Variants in LMBRD1 observed in about 807,000 individuals in gnomAD.
The protein encoded by LMBRD1 is LMBR1 domain containing 1.
In LMBRD1, 64 loss-of-function variants were observed where a neutral mutation model predicts 74.8. The ratio of observed to expected loss-of-function variants is 0.86; its 90% CI spans 0.70 to 1.05. The LOEUF (loss-of-function observed/expected upper bound fraction) is 1.05. LMBRD1 is among the 50% of genes least tolerant of loss of function. The pLI, the probability that LMBRD1 is intolerant of heterozygous loss-of-function variation, is 0.00. For synonymous variants in LMBRD1, 204 were observed against 216.3 expected (o/e 0.94, Z 0.50); for missense variants, 652 against 645.9 (o/e 1.01, Z -0.10).
chr6:69,779,185 C>CAAA (rs11397050), intron 3 of LMBRD1, among the ~76,000 whole-genome samples: 10 of 100,110 alleles, frequency 1.0e-4, no homozygotes, highest in South Asian at 3.2e-4. Flanking sequence ...GACTCAGTCT[C>CAAA]AAAAAAAAAA....
chr6:69,793,103 T>C (rs1766122942), intron 1 of LMBRD1, among the ~76,000 whole-genome samples: 1 of 152,238 alleles, frequency 6.6e-6, no homozygotes, highest in Non-Finnish European at 1.5e-5. Flanking sequence ...CTGGCCATAG[T>C]AACTGCTTAA....
At chr6:69,753,961 A>G (rs1765218927) in intron 3 of LMBRD1, among the ~76,000 whole-genome samples, 1 of 152,062 alleles carries the variant, frequency 6.6e-6, no homozygotes, top group Admixed American at 6.6e-5. Flanking sequence ...AAAGTTAGGA[A>G]ATGATATATG....
chr6:69,788,908 T>C (rs955731731), intron 2 of LMBRD1, among the ~76,000 whole-genome samples: 3 of 152,216 alleles, frequency 2.0e-5, no homozygotes, highest in African/African-American at 7.2e-5. Context: ...ACAGGCTATG[T>C]TATTTCACCT....
chr6:69,722,662 G>C (rs1766641670), intron 7 of LMBRD1, among the ~76,000 whole-genome samples: 1 of 151,886 alleles, frequency 6.6e-6, no homozygotes, highest in Non-Finnish European at 1.5e-5. Flanking sequence ...CAAGCCTTGT[G>C]GTAACCTCAA....
At position 69,749,544 on chromosome 6, in the gene LMBRD1, C is replaced by T. The variant is rs73481772; in HGVS notation, c.406-136G>A. 0.041 allele frequency: 29,040 copies of T among 704,714 alleles called. 2,773 individuals carry two copies. The highest frequency in any genetic ancestry group is 0.3 in the African/African-American group (16,269 of 54,690). The allele number at this position is 704,714 out of a possible 1,614,324, so 43.7% of individuals were successfully genotyped here. A position where few individuals can be genotyped will look rare whatever the true frequency, so the allele number is the denominator to read the frequency against. On this transcript the variant is annotated intron_variant, in intron 4 of 15. Transcript: ENST00000649934. ...ATTGAAACTAAGGTTGAAAAACAAC[C>T]TTAAAATTTAAAGAAAACAGGTATA...
At chr6:69,745,309 A>G (rs1767198016) in intron 5 of LMBRD1, among the ~76,000 whole-genome samples, 1 of 142,006 alleles carries the variant, frequency 7.0e-6, no homozygotes, top group Admixed American at 7.3e-5. Context: ...CGGACTGCGG[A>G]CTGCAGTGGC....
chr6:69,721,548 G>A (rs1766614866), intron 7 of LMBRD1, among the ~76,000 whole-genome samples: 1 of 152,120 alleles, frequency 6.6e-6, no homozygotes, highest in African/African-American at 2.4e-5. Flanking sequence ...AGAGCCCCTG[G>A]TCCCTCAATA....
Position 69,749,893 on chromosome 6 carries a change from C to T in LMBRD1, c.406-485G>A, listed in dbSNP as rs1302208503. Among the ~76,000 whole-genome samples, 3 of 114,646 alleles carry T rather than the reference C, an allele frequency of 2.6e-5. No individual in the cohort carries two copies. In the East Asian group the frequency reaches 6.8e-4, roughly 26 times the overall value. The allele number at this position is 114,646 out of a possible 152,430, so 75.2% of individuals were successfully genotyped here. A position where few individuals can be genotyped will look rare whatever the true frequency, so the allele number is the denominator to read the frequency against. ...ATAAGTATATATACACATATACATA[C>T]TCATATATACATATATAAGTATATA... is the stretch of plus-strand genomic sequence containing the variant. On this transcript the variant is annotated intron_variant, in intron 4 of 15. Coordinates refer to ENST00000649934, the MANE Select transcript of LMBRD1 (RefSeq NM_018368.4).
At chr6:69,703,003 T>C (rs961869376) in intron 9 of LMBRD1, among the ~76,000 whole-genome samples, 3 of 152,032 alleles carry the variant, frequency 2.0e-5, no homozygotes, top group African/African-American at 7.2e-5. Context: ...TCTTCAGTTA[T>C]GGCTGGGTGC....
intron 14 of LMBRD1, among the ~76,000 whole-genome samples, chr6:69,677,936 A>G (rs547983147): frequency 7.9e-5 from 12 of 152,114 alleles, no homozygotes; most frequent in Admixed American, 2.0e-4. Context: ...TATTTCCATT[A>G]GTTGCAAAGT....
At chr6:69,694,918 C>T (rs1765960894) in intron 14 of LMBRD1, among the ~76,000 whole-genome samples, 1 of 152,130 alleles carries the variant, frequency 6.6e-6, no homozygotes, top group African/African-American at 2.4e-5. Flanking sequence ...CTACTTTCAT[C>T]AACTGTCTAC....
intron 5 of LMBRD1, among the ~76,000 whole-genome samples, chr6:69,748,428 C>A (rs2149875645): frequency 6.6e-6 from 1 of 152,190 alleles, no homozygotes; most frequent in African/African-American, 2.4e-5. Flanking sequence ...TACTCTTTTT[C>A]ATGACACATC....
intron 7 of LMBRD1, among the ~76,000 whole-genome samples, chr6:69,725,662 C>T (rs1766716195): frequency 6.6e-6 from 1 of 152,036 alleles, no homozygotes; most frequent in Non-Finnish European, 1.5e-5. Flanking sequence ...TAAACAGTGC[C>T]AGGGAAACTG....
chr6:69,703,288 A>G (rs1766173728), intron 9 of LMBRD1, among the ~76,000 whole-genome samples: 1 of 151,968 alleles, frequency 6.6e-6, no homozygotes, highest in East Asian at 1.9e-4. Context: ...GAAAAGCAAC[A>G]CAGACTTATA....
At chr6:69,744,110 T>C (rs1767165896) in intron 5 of LMBRD1, among the ~76,000 whole-genome samples, 1 of 152,180 alleles carries the variant, frequency 6.6e-6, no homozygotes, top group South Asian at 2.1e-4. Context: ...AAGTATCAGG[T>C]ATACTAAAGT....
chr6:69,793,726 T>C (rs1766143710), intron 1 of LMBRD1, among the ~76,000 whole-genome samples: 1 of 148,130 alleles, frequency 6.8e-6, no homozygotes, highest in African/African-American at 2.5e-5. Context: ...ATCTTTTTTT[T>C]TTTTTTTTTT....
chr6:69,687,630 A>G (rs1336303858), intron 14 of LMBRD1, among the ~76,000 whole-genome samples: 1 of 152,226 alleles, frequency 6.6e-6, no homozygotes, highest in East Asian at 1.9e-4. Flanking sequence ...ACTAAAGAAG[A>G]TATGTCAATA....
chr6:69,788,891 A>T (rs1766018908), intron 2 of LMBRD1, among the ~76,000 whole-genome samples: 1 of 152,232 alleles, frequency 6.6e-6, no homozygotes, highest in African/African-American at 2.4e-5. Context: ...TCCCAGCTTC[A>T]GCACTTACAG....
At chr6:69,726,999 CA>C (rs550221482) in intron 7 of LMBRD1, among the ~76,000 whole-genome samples, 22 of 151,764 alleles carry the variant, frequency 1.4e-4, no homozygotes, top group Non-Finnish European at 1.9e-4. Context: ...ACTAAAAATG[CA>C]AAAAATGAGC....
Sources: allele counts gnomAD v4.1 joint callset (sites outside exome capture counted in the v4.1 genomes callset), GRCh38; gene constraint gnomAD v4.1.1; transcripts MANE v1.5; gene names NCBI Gene and HGNC (gene_info 2026-07-23, HGNC 2026-07-21).